Variants in TMEM131 observed in about 807,000 individuals in gnomAD.
TMEM131 encodes 2610524E03Rik.
Under a neutral mutation model 211.6 loss-of-function variants are expected in TMEM131, and 66 were observed. That is an observed-to-expected ratio of 0.31 (90% CI 0.26 to 0.38). The LOEUF is 0.38. Ranked by LOEUF, TMEM131 falls within the 10% of genes least tolerant of loss-of-function variation. The pLI is 1.00. For synonymous variants in TMEM131, 844 were observed against 841.3 expected, an observed-to-expected ratio of 1.00 and a Z score of -0.06; for missense variants, 2,036 against 2,299.3, an observed-to-expected ratio of 0.89 and a Z score of 2.34.
At chr2:97,757,517 A>G in intron 40 of TMEM131, 134 bp from the exon 41 acceptor site, 1 of 1,003,112 alleles carries the variant, frequency 1.0e-6, no homozygotes. Context: ...AACAAATGTT[A>G]TATATATGTA....
intron 3 of TMEM131, among the ~76,000 whole-genome samples, chr2:97,889,560 T>A (rs1675295696): frequency 6.7e-6 from 1 of 148,464 alleles, no homozygotes; most frequent in Admixed American, 6.7e-5. Flanking sequence ...TAATATTATA[T>A]TCCTATATAT....
intron 4 of TMEM131, among the ~76,000 whole-genome samples, chr2:97,868,060 G>C (rs1369051711): frequency 6.6e-6 from 1 of 152,026 alleles, no homozygotes; most frequent in African/African-American, 2.4e-5. Context: ...ATGCCCTAAG[G>C]GTATATTTGC....
At chr2:97,942,660 T>C (rs1315898307) in intron 1 of TMEM131, among the ~76,000 whole-genome samples, 1 of 152,056 alleles carries the variant, frequency 6.6e-6, no homozygotes, top group Admixed American at 6.5e-5. Context: ...GCACAAATTA[T>C]TGAAATTAAC....
In TMEM131 at chr2:97,778,785, G is replaced by T. The variant is rs573938172; in HGVS notation, c.4145-2767C>A. On this transcript the variant is annotated intron_variant, in intron 31 of 40. Transcript: ENST00000186436. ...CACTGTAGAATGTAGCTCCTGCCAG[G>T]CCCCACCATGAACCCCTTCTTCTGA... Among the ~76,000 whole-genome samples, 7 of 152,086 alleles carry T rather than the reference G, an allele frequency of 4.6e-5. No homozygotes were observed. In the South Asian group the frequency reaches 1.0e-3, roughly 23 times the overall value.
At chr2:97,795,457 C>T (rs1278402662) in intron 28 of TMEM131, among the ~76,000 whole-genome samples, 1 of 152,074 alleles carries the variant, frequency 6.6e-6, no homozygotes, top group Non-Finnish European at 1.5e-5. Flanking sequence ...CCAATAATGT[C>T]TTTTTTAAAA....
rs933724603 is a variant in TMEM131 at position 97,995,599 on chromosome 2, C to T, written c.64G>A (p.Gly22Arg). Residue 22 changes from glycine to arginine, a missense_variant, in exon 1 of 41, where the codon GGG (glycine) becomes AGG (arginine). Transcript: ENST00000186436. ...GCGGCCGCAGGTTCCAGCCCGGCCC[C>T]GGCGGACGTGGAGACGGCGGCGGTG... ...ATTAAVSTSA[G>R]AGLEPAAARS... 1.4e-5 allele frequency: 18 copies of T among 1,260,108 alleles called. No homozygotes were observed. The African/African-American group carries it at 2.2e-4, about 15-fold the overall frequency. 78.1% of individuals were successfully genotyped at this position (1,260,108 alleles called of 1,614,324 possible).
chr2:97,791,454 C>T (rs886780579), intron 31 of TMEM131, among the ~76,000 whole-genome samples: 3 of 152,194 alleles, frequency 2.0e-5, no homozygotes, highest in Non-Finnish European at 4.4e-5. Context: ...AGCTGTGACC[C>T]GCTCTGTGGA....
chr2:97,865,800 T>A lies in TMEM131; in HGVS notation c.360-6373A>T, dbSNP rs542411604. On this transcript the variant is annotated intron_variant, in intron 4 of 40. Transcript: ENST00000186436. ...TCTATTGTTTGGAAGAGTTTGGGAATAATTGGTATTAATTCTTCTTTGATT... is the reference window on the plus strand; with the variant it reads ...TCTATTGTTTGGAAGAGTTTGGGAAAAATTGGTATTAATTCTTCTTTGATT... 2.6e-5 allele frequency among the ~76,000 whole-genome samples: 4 copies of A among 152,332 alleles called. No individual in the cohort carries two copies. The South Asian group carries it at 6.2e-4, about 24-fold the overall frequency.
At chr2:97,834,451 G>C (rs1481677575) in intron 10 of TMEM131, among the ~76,000 whole-genome samples, 170 bp downstream of exon 10, 2 of 152,000 alleles carry the variant, frequency 1.3e-5, no homozygotes, top group Admixed American at 1.3e-4. Flanking sequence ...GCGGAATGGG[G>C]TATAAACCTG....
intron 1 of TMEM131, among the ~76,000 whole-genome samples, chr2:97,947,573 G>T (rs774804843): frequency 1.3e-5 from 2 of 151,946 alleles, no homozygotes; most frequent in Non-Finnish European, 2.9e-5. Context: ...TAAATAAAAA[G>T]AAAGATATAC....
intron 1 of TMEM131, among the ~76,000 whole-genome samples, chr2:97,948,696 C>T (rs1368385095): frequency 3.3e-4 from 50 of 151,876 alleles, no homozygotes; most frequent in Non-Finnish European, 7.4e-5. Context: ...CTCGCGCTGT[C>T]GCCCAGGCTG....
intron 2 of TMEM131, among the ~76,000 whole-genome samples, chr2:97,916,291 G>A (rs1676505965): frequency 6.6e-6 from 1 of 152,228 alleles, no homozygotes; most frequent in African/African-American, 2.4e-5. Context: ...GCAGGAAATA[G>A]TAGTAAAGGG....
intron 3 of TMEM131, among the ~76,000 whole-genome samples, chr2:97,907,888 C>T (rs1676137379): frequency 6.6e-6 from 1 of 152,150 alleles, no homozygotes; most frequent in African/African-American, 2.4e-5. Context: ...GGAAGAGCAA[C>T]TATACCATTA....
intron 1 of TMEM131, among the ~76,000 whole-genome samples, chr2:97,991,588 A>T (rs955999513): frequency 5.3e-5 from 8 of 152,206 alleles, no homozygotes; most frequent in Admixed American, 4.6e-4. Context: ...GAGGAAGACA[A>T]CCAACAGGCA....
At chr2:97,829,370 G>T (rs1682550622) in intron 11 of TMEM131, among the ~76,000 whole-genome samples, 1 of 139,272 alleles carries the variant, frequency 7.2e-6, no homozygotes, top group South Asian at 2.2e-4. Context: ...GCACCAATCA[G>T]CACTCGGTAA....
chr2:97,761,980 A>G (rs892060812), intron 36 of TMEM131, 55 bp downstream of exon 36: 2 of 1,494,788 alleles, frequency 1.3e-6, no homozygotes, highest in African/African-American at 1.4e-5. Context: ...AGGGTGTGAC[A>G]TCGGGTTTTA....
At chr2:97,916,796 TGGTTA>T (rs1486505527) in intron 2 of TMEM131, among the ~76,000 whole-genome samples, 1 of 152,214 alleles carries the variant, frequency 6.6e-6, no homozygotes, top group Non-Finnish European at 1.5e-5. Flanking sequence ...ATCATTTATT[TGGTTA>T]GGTTAAACTC....
At chr2:97,853,700 T>G (rs148288086) in intron 5 of TMEM131, among the ~76,000 whole-genome samples, 1 of 151,946 alleles carries the variant, frequency 6.6e-6, no homozygotes. Flanking sequence ...CCAACCCTTA[T>G]GGATGACTTT....
chr2:97,886,927 T>C (rs528932099), intron 4 of TMEM131, among the ~76,000 whole-genome samples: 12 of 152,308 alleles, frequency 7.9e-5, no homozygotes, highest in African/African-American at 2.2e-4. Context: ...AGAAGGGACA[T>C]ATAGGAGCCC....
Sources: gnomAD v4.1 joint callset for allele counts (sites outside exome capture counted in the v4.1 genomes callset) on GRCh38, gnomAD v4.1.1 for gene constraint, MANE v1.5 for transcripts, NCBI Gene and HGNC (gene_info 2026-07-23, HGNC 2026-07-21) for gene names.